Variants in TMEM74 observed in about 807,000 individuals in gnomAD.
TMEM74 encodes transmembrane protein 74.
In TMEM74, 13 loss-of-function variants were observed where a neutral mutation model predicts 18.1. The ratio of observed to expected loss-of-function variants is 0.72; its 90% CI spans 0.47 to 1.14. TMEM74 has a LOEUF of 1.14. TMEM74 is among the 50% of genes most tolerant of loss of function. TMEM74 has a pLI of 0.00. For missense variants in TMEM74, 372 were observed against 375.9 expected (o/e 0.99, Z 0.09); for synonymous variants, 159 against 146.6 (o/e 1.08, Z -0.61).
chr8:108,680,618 C>T (rs999054215), intron 1 of TMEM74, among the ~76,000 whole-genome samples: 7 of 152,138 alleles, frequency 4.6e-5, no homozygotes, highest in Admixed American at 3.3e-4. Context: ...AGACAGGATG[C>T]CCTCTCTCAC....
chr8:108,735,996 T>C (rs1813745913), intron 1 of TMEM74, among the ~76,000 whole-genome samples: 1 of 152,154 alleles, frequency 6.6e-6, no homozygotes, highest in Middle Eastern at 3.2e-3. Context: ...CTTTTTTTTT[T>C]CTGTTGTTGC....
intron 1 of TMEM74, among the ~76,000 whole-genome samples, chr8:108,754,837 G>A (rs188767675): frequency 2.0e-5 from 3 of 152,038 alleles, no homozygotes; most frequent in Non-Finnish European, 2.9e-5. Flanking sequence ...TGAGCTGACA[G>A]TGTAAGCCTC....
At chr8:108,678,852 T>G (rs1299331966) in intron 1 of TMEM74, among the ~76,000 whole-genome samples, 1 of 151,462 alleles carries the variant, frequency 6.6e-6, no homozygotes, top group Non-Finnish European at 1.5e-5. Context: ...ACCCATTAAC[T>G]CATCATTTAG....
At chr8:108,621,065 C>T (rs1812435614) in intron 2 of TMEM74, among the ~76,000 whole-genome samples, 1 of 152,104 alleles carries the variant, frequency 6.6e-6, no homozygotes, top group Non-Finnish European at 1.5e-5. Context: ...CAGGAAATTT[C>T]CAGATGCCCA....
chr8:108,690,617 T>C (rs571345025), intron 1 of TMEM74, among the ~76,000 whole-genome samples: 303 of 152,004 alleles, frequency 2.0e-3, no homozygotes, highest in Admixed American at 5.0e-3. Context: ...AGATCAAGAC[T>C]ATCCTGGATA....
intron 2 of TMEM74, among the ~76,000 whole-genome samples, chr8:108,622,740 G>A (rs1812456212): frequency 6.6e-6 from 1 of 152,010 alleles, no homozygotes; most frequent in African/African-American, 2.4e-5. Context: ...TGAAATGAGA[G>A]GATGGGAATC....
intron 1 of TMEM74, among the ~76,000 whole-genome samples, chr8:108,688,965 T>C (rs1250950132): frequency 6.6e-6 from 1 of 152,200 alleles, no homozygotes; most frequent in Non-Finnish European, 1.5e-5. Context: ...AAACCTCTTC[T>C]CTAGTGTCAA....
intron 1 of TMEM74, among the ~76,000 whole-genome samples, chr8:108,729,138 C>T (rs1378964661): frequency 6.6e-6 from 1 of 152,176 alleles, no homozygotes; most frequent in Non-Finnish European, 1.5e-5. Context: ...GCATTCCTTA[C>T]TGAAGGCAAA....
intron 1 of TMEM74, among the ~76,000 whole-genome samples, chr8:108,772,290 G>GTTTTCCTATACT (rs1814182031): frequency 6.6e-6 from 1 of 152,102 alleles, no homozygotes; most frequent in Admixed American, 6.5e-5. Flanking sequence ...TGGAAACCAA[G>GTTTTCCTATACT]GTAAGAGGCT....
Position 108,697,999 on chromosome 8 carries a change from G to T in TMEM74, n.120-42562C>A, listed in dbSNP as rs185574836. ...CCTGAGTGCCTGCCCTGAGTGCCTG[G>T]ACTCTGTGTCTCTTGTTCATGTGGT... On this transcript the variant is annotated intron_variant and non_coding_transcript_variant, in intron 1 of 3. Coordinates refer to the TMEM74 transcript ENST00000518838. Among the ~76,000 whole-genome samples the T allele has an allele frequency of 1.8e-4, 27 of 152,194 alleles. No homozygotes were observed. The East Asian group carries it at 4.8e-3, about 27-fold the overall frequency.
At position 108,665,581 on chromosome 8, in the gene TMEM74, G is replaced by T. The variant is rs148098980; in HGVS notation, n.120-10144C>A. Among the ~76,000 whole-genome samples the T allele has an allele frequency of 7.1e-3, 1,085 of 152,176 alleles. 6 individuals carry two copies. The highest frequency in any genetic ancestry group is 0.012 in the South Asian group (56 of 4,820). On this transcript the variant is annotated intron_variant and non_coding_transcript_variant, in intron 1 of 3. Coordinates refer to the TMEM74 transcript ENST00000518838. The stretch of plus-strand genomic sequence containing the variant: ...AAGTAATGGCTGGACTAACAAAAAT[G>T]GTAAAGATATCAAGTCAAAGAATGG...
At chr8:108,743,241 TA>T (rs1813819132) in intron 1 of TMEM74, among the ~76,000 whole-genome samples, 1 of 152,196 alleles carries the variant, frequency 6.6e-6, no homozygotes, top group Non-Finnish European at 1.5e-5. Context: ...AATTTGGTGA[TA>T]AAATGGTAAT....
intron 1 of TMEM74, among the ~76,000 whole-genome samples, chr8:108,756,695 A>AGAAAGAAAGAAAGAAAGAAG (rs1398631410): frequency 2.5e-4 from 21 of 84,650 alleles, no homozygotes; most frequent in African/African-American, 3.8e-4. Flanking sequence ...AAAGAAAGAA[A>AGAAAGAAAGAAAGAAAGAAG]GAAGGAAGGA....
At chr8:108,786,821 G>C (rs1563552312) in intron 1 of TMEM74, among the ~76,000 whole-genome samples, 1 of 152,102 alleles carries the variant, frequency 6.6e-6, no homozygotes, top group African/African-American at 2.4e-5. Flanking sequence ...AAATCAGCAG[G>C]GTTCTTTGAG....
rs1402457859 is a variant in TMEM74, at chr8:108,780,123, C to G, written c.*4058G>C. On this transcript the variant is annotated 3_prime_UTR_variant, in exon 2 of 2. Coordinates refer to ENST00000297459, the MANE Select transcript of TMEM74 (RefSeq NM_153015.3). ...GAAAGGTTAAACCCATTACAGAGAA[C>G]AGTAAGTATTGATAGTATTACATCT... 2.6e-5 allele frequency among the ~76,000 whole-genome samples: 4 copies of G among 152,264 alleles called. No homozygotes were observed. Among genetic ancestry groups the G allele is most frequent in the African/African-American group, 9.6e-5 (4 of 41,566 alleles).
At chr8:108,772,745 A>G (rs768998167) in intron 1 of TMEM74, among the ~76,000 whole-genome samples, 1 of 152,160 alleles carries the variant, frequency 6.6e-6, no homozygotes, top group Admixed American at 6.6e-5. Flanking sequence ...CCACTTGGTA[A>G]CTTTAACCTC....
At chr8:108,656,250 C>T (rs558094712) in intron 1 of TMEM74, among the ~76,000 whole-genome samples, 3 of 152,172 alleles carry the variant, frequency 2.0e-5, no homozygotes, top group African/African-American at 7.2e-5. Flanking sequence ...ATATGGAAAT[C>T]TTAGTGGTAA....
At chr8:108,733,254 T>C (rs1272231655) in intron 1 of TMEM74, among the ~76,000 whole-genome samples, 1 of 152,164 alleles carries the variant, frequency 6.6e-6, no homozygotes, top group African/African-American at 2.4e-5. Context: ...ACCCAAGGTA[T>C]CTATCAACAG....
intron 2 of TMEM74, among the ~76,000 whole-genome samples, chr8:108,654,221 G>A (rs1346446060): frequency 6.6e-6 from 1 of 152,170 alleles, no homozygotes; most frequent in Non-Finnish European, 1.5e-5. Context: ...AAGCATTTGA[G>A]AGCTTAGGCC....
Sources: gnomAD v4.1 joint callset for allele counts (sites outside exome capture counted in the v4.1 genomes callset) on GRCh38, gnomAD v4.1.1 for gene constraint, MANE v1.5 for transcripts, NCBI Gene and HGNC (gene_info 2026-07-23, HGNC 2026-07-21) for gene names.